R3HCC1L: variants seen among roughly 807,000 people sequenced by gnomAD.
The protein encoded by R3HCC1L is coiled-coil domain-containing protein R3HCC1L.
In R3HCC1L, 51 loss-of-function variants were observed where a neutral mutation model predicts 59.9. That is an observed-to-expected ratio of 0.85 (90% CI 0.68 to 1.07). R3HCC1L has a LOEUF of 1.07. Ranked by LOEUF, R3HCC1L falls within the 50% of genes least tolerant of loss-of-function variation. R3HCC1L has a pLI of 0.00. For missense variants in R3HCC1L, 965 were observed against 933.0 expected (o/e 1.03, Z -0.45); for synonymous variants, 322 against 315.2 (o/e 1.02, Z -0.23).
chr10:98,184,205 A>C (rs563556101), intron 4 of R3HCC1L, among the ~76,000 whole-genome samples: 61 of 151,842 alleles, frequency 4.0e-4, no homozygotes, highest in African/African-American at 1.4e-3. Context: ...CTTAATGTCT[A>C]CCCTCAGCTT....
At chr10:98,227,943 G>GGT (rs1166138354) in intron 5 of R3HCC1L, among the ~76,000 whole-genome samples, 2 of 152,078 alleles carry the variant, frequency 1.3e-5, no homozygotes, top group African/African-American at 4.8e-5. Flanking sequence ...AGTATTCCAT[G>GGT]GTGTATATGT....
chr10:98,204,666 T>G (rs1852433436), intron 4 of R3HCC1L, among the ~76,000 whole-genome samples: 1 of 152,222 alleles, frequency 6.6e-6, no homozygotes, highest in African/African-American at 2.4e-5. Flanking sequence ...CATCCATGTA[T>G]GAAAATATTG....
intron 4 of R3HCC1L, among the ~76,000 whole-genome samples, chr10:98,203,659 C>T (rs940540233): frequency 2.6e-5 from 4 of 152,082 alleles, no homozygotes; most frequent in Admixed American, 6.5e-5. Flanking sequence ...GTTTTAGATA[C>T]CAAATATGGG....
At chr10:98,201,018 G>T (rs1485121775) in intron 4 of R3HCC1L, among the ~76,000 whole-genome samples, 1 of 152,136 alleles carries the variant, frequency 6.6e-6, no homozygotes. Flanking sequence ...TCGTAGACCA[G>T]TCTCATTTGA....
At chr10:98,206,167 C>G (rs776581454) in intron 4 of R3HCC1L, among the ~76,000 whole-genome samples, 1 of 152,006 alleles carries the variant, frequency 6.6e-6, no homozygotes, top group African/African-American at 2.4e-5. Flanking sequence ...CATTGTATGA[C>G]ATATTTTCTA....
chr10:98,167,083 C>A (rs1359491490), intron 4 of R3HCC1L, among the ~76,000 whole-genome samples: 1 of 151,834 alleles, frequency 6.6e-6, no homozygotes, highest in Non-Finnish European at 1.5e-5. Context: ...CCATCTTTAA[C>A]AATTATCTTT....
chr10:98,204,723 T>C (rs1251662353), intron 4 of R3HCC1L, among the ~76,000 whole-genome samples: 1 of 152,198 alleles, frequency 6.6e-6, no homozygotes, highest in Non-Finnish European at 1.5e-5. Flanking sequence ...AACTTTTATA[T>C]ATTATATATA....
At chr10:98,233,268 T>G (rs965918808) in intron 6 of R3HCC1L, among the ~76,000 whole-genome samples, 1 of 152,148 alleles carries the variant, frequency 6.6e-6, no homozygotes, top group Non-Finnish European at 1.5e-5. Context: ...CTTGATAATC[T>G]CACCTGCAGG....
At chr10:98,154,685 G>A (rs1310786288) in intron 1 of R3HCC1L, among the ~76,000 whole-genome samples, 1 of 152,270 alleles carries the variant, frequency 6.6e-6, no homozygotes, top group East Asian at 1.9e-4. Flanking sequence ...ATAAAGAGCA[G>A]GAACAGTGAG....
At chr10:98,165,803 T>G (rs1847887399) in intron 4 of R3HCC1L, among the ~76,000 whole-genome samples, 1 of 152,210 alleles carries the variant, frequency 6.6e-6, no homozygotes, top group Admixed American at 6.5e-5. Context: ...TGTGATGGTG[T>G]TGGAGGTGGG....
At chr10:98,137,772 G>A (rs1414082265) in intron 1 of R3HCC1L, among the ~76,000 whole-genome samples, 1 of 152,098 alleles carries the variant, frequency 6.6e-6, no homozygotes, top group African/African-American at 2.4e-5. Flanking sequence ...ACAACCTGTA[G>A]TAAGAATGCA....
intron 4 of R3HCC1L, among the ~76,000 whole-genome samples, chr10:98,205,881 G>C (rs545394394): frequency 6.6e-6 from 1 of 152,248 alleles, no homozygotes; most frequent in African/African-American, 2.4e-5. Flanking sequence ...CAGTCATCCA[G>C]CCTTTATCTA....
chr10:98,143,201 C>T (rs1437112690), intron 1 of R3HCC1L, among the ~76,000 whole-genome samples: 1 of 152,168 alleles, frequency 6.6e-6, no homozygotes, highest in African/African-American at 2.4e-5. Context: ...ACTTTTTTAT[C>T]ACATGAATCT....
In R3HCC1L at chr10:98,239,193, A is replaced by G. The variant is rs1284777817; in HGVS notation, c.2269+3029A>G. Among the ~76,000 whole-genome samples, 3 of 152,292 alleles carry G rather than the reference A, an allele frequency of 2.0e-5. No homozygotes were observed. In the East Asian group the frequency reaches 5.8e-4, roughly 29 times the overall value. ...TGGAAAAGTGCTTTACAAATTCAGGATATGATTATTGATATGACTGTTAAG... is the reference window on the plus strand; with the variant it reads ...TGGAAAAGTGCTTTACAAATTCAGGGTATGATTATTGATATGACTGTTAAG... On this transcript the variant is annotated intron_variant, in intron 9 of 9. Transcript: ENST00000298999.
chr10:98,136,438 T>A (rs1844589228), intron 1 of R3HCC1L, among the ~76,000 whole-genome samples: 1 of 152,210 alleles, frequency 6.6e-6, no homozygotes, highest in Non-Finnish European at 1.5e-5. Flanking sequence ...CATAGTTAGA[T>A]ATCTTTGGGA....
chr10:98,229,895 G>A (rs1291786642), intron 5 of R3HCC1L, among the ~76,000 whole-genome samples: 6 of 152,208 alleles, frequency 3.9e-5, no homozygotes, highest in East Asian at 3.9e-4. Flanking sequence ...ATTGATTTGC[G>A]TATGTTGAAT....
intron 2 of R3HCC1L, among the ~76,000 whole-genome samples, chr10:98,162,026 A>G (rs762337671): frequency 1.3e-5 from 2 of 151,712 alleles, no homozygotes; most frequent in Non-Finnish European, 2.9e-5. Context: ...ATATCTTTCC[A>G]TTTGTTCAGA....
intron 2 of R3HCC1L, among the ~76,000 whole-genome samples, chr10:98,158,030 T>C (rs1357949538): frequency 1.3e-5 from 2 of 152,146 alleles, no homozygotes; most frequent in African/African-American, 4.8e-5. Context: ...CTAAAAATCA[T>C]CATTGGAAAA....
chr10:98,200,396 C>T (rs551588193), intron 4 of R3HCC1L, among the ~76,000 whole-genome samples: 11 of 152,186 alleles, frequency 7.2e-5, no homozygotes, highest in African/African-American at 2.4e-4. Context: ...GCCTTGACTC[C>T]GTCTGCAAAC....
Sources: gnomAD v4.1 joint callset for allele counts (sites outside exome capture counted in the v4.1 genomes callset) on GRCh38, gnomAD v4.1.1 for gene constraint, MANE v1.5 for transcripts, NCBI Gene and HGNC (gene_info 2026-07-23, HGNC 2026-07-21) for gene names.